Variants in MGLL observed in about 807,000 individuals in gnomAD.
MGLL encodes the protein lysophospholipase homolog.
Under a neutral mutation model 29.1 loss-of-function variants are expected in MGLL, and 7 were observed. The observed-to-expected ratio is 0.24, with a 90% confidence interval of 0.14 to 0.45. The LOEUF (loss-of-function observed/expected upper bound fraction) is 0.45. MGLL is among the 20% of genes least tolerant of loss of function. The pLI is 0.99. For missense variants in MGLL, 356 were observed against 413.6 expected, an observed-to-expected ratio of 0.86 and a Z score of 1.21; for synonymous variants, 148 against 168.3, an observed-to-expected ratio of 0.88 and a Z score of 0.93.
intron 2 of MGLL, among the ~76,000 whole-genome samples, chr3:127,801,268 C>T (rs2077474027): frequency 7.0e-6 from 1 of 142,526 alleles, no homozygotes; most frequent in Non-Finnish European, 1.5e-5. Flanking sequence ...CGCCATTGCA[C>T]TCCAGCCTGG....
rs75921565 is a variant in MGLL at position 127,747,651 on chromosome 3, C to T, written c.263-25085G>A. On this transcript the variant is annotated intron_variant, in intron 3 of 7. Coordinates refer to ENST00000265052, the MANE Select transcript of MGLL (RefSeq NM_007283.7). Reference sequence around the variant, plus strand: ...GCACAGGGTCTCTGGTCCAGCCCAACGCAAATGGGCACAGGTATGATCATT... The same window carrying T: ...GCACAGGGTCTCTGGTCCAGCCCAATGCAAATGGGCACAGGTATGATCATT... Among the ~76,000 whole-genome samples the T allele has an allele frequency of 5.1e-3, 779 of 152,310 alleles. 10 individuals carry two copies. The highest frequency in any genetic ancestry group is 0.018 in the African/African-American group (749 of 41,558).
intron 3 of MGLL, among the ~76,000 whole-genome samples, chr3:127,750,243 G>A (rs1418040066): frequency 2.4e-4 from 37 of 152,130 alleles, no homozygotes; most frequent in Admixed American, 2.4e-3. Context: ...TTTCTTCTGG[G>A]TTTGCTGTGG....
At chr3:127,717,758 C>A (rs937008477) in intron 5 of MGLL, among the ~76,000 whole-genome samples, 17 of 152,148 alleles carry the variant, frequency 1.1e-4, no homozygotes, top group Non-Finnish European at 1.9e-4. Context: ...AGGAGGGGCC[C>A]TGCAGCCTGC....
chr3:127,759,270 C>T (rs1256661560), intron 3 of MGLL, among the ~76,000 whole-genome samples: 2 of 151,604 alleles, frequency 1.3e-5, no homozygotes, highest in Non-Finnish European at 2.9e-5. Flanking sequence ...ACCAGCTCTC[C>T]TATTCTGTGA....
At chr3:127,786,774 G>A (rs146991744) in intron 2 of MGLL, among the ~76,000 whole-genome samples, 7 of 152,210 alleles carry the variant, frequency 4.6e-5, no homozygotes, top group East Asian at 1.9e-4. Flanking sequence ...GAGCAATGTC[G>A]CGAGGTAAAT....
chr3:127,800,735 G>C (rs1354755971), intron 2 of MGLL, among the ~76,000 whole-genome samples: 2 of 152,154 alleles, frequency 1.3e-5, no homozygotes, highest in Non-Finnish European at 2.9e-5. Context: ...TCATGCAAAA[G>C]CCCTAGCAAG....
Position 127,692,115 on chromosome 3 carries a change from T to TTTTTTTA in MGLL, c.*82_*83insTAAAAAA. On this transcript the variant is annotated 3_prime_UTR_variant, in exon 8 of 8. Coordinates refer to ENST00000265052, the MANE Select transcript of MGLL (RefSeq NM_007283.7). ...TCTGATTTTTTTTTTTTTTTTTTTT[T>TTTTTTTA]GGCAAGCCATATCTGAGAAGCCATC... 4.1e-6 allele frequency: 2 copies of TTTTTTTA among 492,140 alleles called. No homozygotes were observed. Among genetic ancestry groups the TTTTTTTA allele is most frequent in the South Asian group, 2.3e-5 (1 of 42,598 alleles). The allele number at this position is 492,140 out of a possible 1,614,324, so 30.5% of individuals were successfully genotyped here.
intron 5 of MGLL, chr3:127,713,704 C>T (rs2075762725): frequency 6.6e-6 from 1 of 152,234 alleles, no homozygotes; most frequent in Non-Finnish European, 1.5e-5. Flanking sequence ...GGGACCTGGG[C>T]CTGGAGGTGC....
intron 2 of MGLL, among the ~76,000 whole-genome samples, chr3:127,800,449 GT>G (rs1482282221): frequency 2.6e-5 from 4 of 152,216 alleles, no homozygotes; most frequent in African/African-American, 9.6e-5. Context: ...GTTTGGGCAA[GT>G]TGCTGAACTA....
At position 127,822,515 on chromosome 3, in the gene MGLL, C is replaced by T. The variant is rs536264500; in HGVS notation, c.-197G>A. ...TTCCAGCTCCCACCGGCAGGCTCTC[C>T]GGGGCTCCCCTCCCTCCCCAGGGCG... On this transcript the variant is annotated 5_prime_UTR_variant, in exon 1 of 8. Transcript: ENST00000265052. 423 of 617,062 alleles carry T rather than the reference C, an allele frequency of 6.9e-4. 3 individuals are homozygous for T. Among genetic ancestry groups the T allele is most frequent in the Middle Eastern group, 4.2e-4 (1 of 2,384 alleles). 38.2% of individuals were successfully genotyped at this position (617,062 alleles called of 1,614,324 possible). A position where few individuals can be genotyped will look rare whatever the true frequency, so the allele number is the denominator to read the frequency against.
chr3:127,761,790 G>A lies in MGLL; in HGVS notation c.262+19999C>T, dbSNP rs1486783942. The stretch of plus-strand genomic sequence containing the variant: ...CCTTGGGACCCCAGCTCTTCAGGGA[G>A]GGACTCCAGGCAGAGCTTCATTCTC... On this transcript the variant is annotated intron_variant, in intron 3 of 7. Transcript: ENST00000265052. The surrounding 1 kb of genome is among the most constrained non-coding windows in gnomAD (Gnocchi z 4.6). 6.6e-6 allele frequency among the ~76,000 whole-genome samples: 1 copy of A among 152,146 alleles called. No homozygotes were observed. Among genetic ancestry groups the A allele is most frequent in the Non-Finnish European group, 1.5e-5 (1 of 68,016 alleles).
intron 6 of MGLL, among the ~76,000 whole-genome samples, chr3:127,698,436 C>T: frequency 6.6e-6 from 1 of 152,182 alleles, no homozygotes; most frequent in African/African-American, 2.4e-5. Flanking sequence ...CAAACCAGGC[C>T]CAAGCCCAGA....
At chr3:127,777,756 A>G (rs990728058) in intron 3 of MGLL, among the ~76,000 whole-genome samples, 2 of 143,980 alleles carry the variant, frequency 1.4e-5, no homozygotes, top group East Asian at 1.9e-4. Flanking sequence ...CACATGCGCA[A>G]TGAGAATGGA....
intron 1 of MGLL, 28 bp from the exon 2 acceptor site, chr3:127,821,866 G>T: frequency 6.2e-7 from 1 of 1,608,442 alleles, no homozygotes; most frequent in Non-Finnish European, 8.5e-7. Context: ...ATATTCCAAA[G>T]TCAGAAATAT....
chr3:127,715,482 G>T, intron 5 of MGLL: 1 of 350,004 alleles, frequency 2.9e-6, no homozygotes, highest in Non-Finnish European at 5.7e-6. Flanking sequence ...CCAAGAAAGA[G>T]GAGAGCTGCC....
At position 127,781,528 on chromosome 3, in the gene MGLL, C is replaced by T. The variant is rs189391056; in HGVS notation, c.262+261G>A. ...ATAAATGCAGGAAAGAATTCCTTAG[C>T]CTCAGGCAAGTTCTGAGATGAACAT... On this transcript the variant is annotated intron_variant, in intron 3 of 7. Coordinates refer to ENST00000265052, the MANE Select transcript of MGLL (RefSeq NM_007283.7). Among the ~76,000 whole-genome samples, 4 of 152,334 alleles carry T rather than the reference C, an allele frequency of 2.6e-5. No individual in the cohort carries two copies. In the East Asian group the frequency reaches 7.7e-4, roughly 29 times the overall value.
chr3:127,754,604 C>G (rs1348450578), intron 3 of MGLL, among the ~76,000 whole-genome samples: 1 of 152,214 alleles, frequency 6.6e-6, no homozygotes, highest in Non-Finnish European at 1.5e-5. Context: ...CTGGGATCCA[C>G]AGCCTCTAGG....
rs2075949802 is a variant in MGLL at position 127,722,555 on chromosome 3, G to C, written c.274C>G (p.Gln92Glu). The C allele has an allele frequency of 6.2e-7, 1 of 1,614,126 alleles. No homozygotes were observed. Among genetic ancestry groups the C allele is most frequent in the South Asian group, 1.1e-5 (1 of 91,094 alleles). Residue 92 changes from glutamine (Q) to glutamate (E), a missense_variant, in exon 4 of 8, where the codon CAG (glutamine) becomes GAG (glutamate). By Grantham distance (29) the Gln-to-Glu change is conservative. Transcript: ENST00000265052. Reference protein sequence around the residue: ...VFAHDHVGHGQSEGERMVVSD... With the variant: ...VFAHDHVGHGESEGERMVVSD... ...ACTACCATCCTCTCCCCTTCGCTCT[G>C]TCCGTGGCCAACTGGAAAGGAACGG... is the stretch of plus-strand genomic sequence containing the variant.
intron 3 of MGLL, among the ~76,000 whole-genome samples, chr3:127,740,788 G>A (rs574469603): frequency 4.8e-4 from 73 of 152,360 alleles, no homozygotes; most frequent in African/African-American, 1.4e-3. Context: ...AAATGTGGCC[G>A]TGTCGACGTA....
Sources: allele counts gnomAD v4.1 joint callset (sites outside exome capture counted in the v4.1 genomes callset), GRCh38; gene constraint gnomAD v4.1.1; non-coding constraint Gnocchi (gnomAD v3.1); transcripts MANE v1.5; gene names NCBI Gene and HGNC (gene_info 2026-07-23, HGNC 2026-07-21).